The following MCC variants were observed in gnomAD, a reference collection of about 807,000 sequenced individuals.
The protein encoded by MCC is colorectal mutant cancer protein.
In MCC, 90 loss-of-function variants were observed where a neutral mutation model predicts 116.2. The ratio of observed to expected loss-of-function variants is 0.77; its 90% CI spans 0.65 to 0.92. The LOEUF is 0.92. Ranked by LOEUF, MCC falls within the 40% of genes least tolerant of loss-of-function variation. The pLI is 0.00. For missense variants in MCC, 1,516 were observed against 1,312.2 expected (o/e 1.16, Z -2.40); for synonymous variants, 578 against 510.5 (o/e 1.13, Z -1.78).
chr5:113,287,837 T>C lies in MCC; in HGVS notation c.627+52682A>G, dbSNP rs571796728. On this transcript the variant is annotated intron_variant, in intron 3 of 18. Transcript: ENST00000408903. ...ACACTCAGGGTTCTGGCATCTCCAA[T>C]TGGTAGCAACTACCTCTAAGGTGCT... Among the ~76,000 whole-genome samples the C allele has an allele frequency of 9.8e-5, 15 of 152,334 alleles. 2 individuals are homozygous for C. In the South Asian group the frequency reaches 2.9e-3, roughly 29 times the overall value.
intron 2 of MCC, among the ~76,000 whole-genome samples, chr5:113,372,623 T>C (rs1233389515): frequency 6.6e-6 from 1 of 152,204 alleles, no homozygotes; most frequent in Non-Finnish European, 1.5e-5. Flanking sequence ...ACATCATAAG[T>C]ACAGAATTTC....
At chr5:113,059,157 A>AAT (rs1168189018) in intron 14 of MCC, among the ~76,000 whole-genome samples, 4 of 151,972 alleles carry the variant, frequency 2.6e-5, no homozygotes, top group Non-Finnish European at 5.9e-5. Context: ...AAAAAAAAAA[A>AAT]TAACAAAAGA....
At chr5:113,309,824 C>T (rs932166663) in intron 3 of MCC, among the ~76,000 whole-genome samples, 2 of 151,574 alleles carry the variant, frequency 1.3e-5, no homozygotes, top group African/African-American at 4.9e-5. Context: ...TCTTTCTTTC[C>T]TTTCACCTTC....
chr5:113,050,456 AG>A (rs1394418819), intron 15 of MCC, among the ~76,000 whole-genome samples: 1 of 152,116 alleles, frequency 6.6e-6, no homozygotes, highest in Non-Finnish European at 1.5e-5. Context: ...AAGTTGGACT[AG>A]GGGGTAGATG....
intron 1 of MCC, among the ~76,000 whole-genome samples, chr5:113,401,872 C>G (rs187060059): frequency 3.3e-5 from 5 of 151,564 alleles, no homozygotes; most frequent in Non-Finnish European, 5.9e-5. Flanking sequence ...TTTTTTGAGA[C>G]AGGGTCTTCC....
At chr5:113,172,186 A>G (rs1761105844) in intron 3 of MCC, among the ~76,000 whole-genome samples, 1 of 152,214 alleles carries the variant, frequency 6.6e-6, no homozygotes, top group Non-Finnish European at 1.5e-5. Context: ...CTGACTTAAT[A>G]TTGATCAAGT....
chr5:113,141,880 C>G (rs1759199808), intron 5 of MCC, among the ~76,000 whole-genome samples: 1 of 152,152 alleles, frequency 6.6e-6, no homozygotes, highest in Non-Finnish European at 1.5e-5. Context: ...TTTGCTTTCA[C>G]TTTCTCAAGT....
rs59131569 is a variant in MCC at position 113,201,031 on chromosome 5, C to T, written c.628-49609G>A. On this transcript the variant is annotated intron_variant, in intron 3 of 18. Transcript: ENST00000408903. ...ACAGTTAAATTCTTATATGGAACCC[C>T]TTACACAGGGGGAAAAAGCCTCGGA... is the stretch of plus-strand genomic sequence containing the variant. 8.3e-3 allele frequency among the ~76,000 whole-genome samples: 1,269 copies of T among 152,244 alleles called. 23 individuals carry two copies. The highest frequency in any genetic ancestry group is 0.029 in the African/African-American group (1,194 of 41,524).
intron 11 of MCC, among the ~76,000 whole-genome samples, chr5:113,077,208 G>A (rs1373596394): frequency 6.6e-6 from 1 of 152,076 alleles, no homozygotes; most frequent in Non-Finnish European, 1.5e-5. Context: ...AATAATAATG[G>A]AGACTTTAAC....
At chr5:113,100,083 G>A (rs1366076521) in intron 8 of MCC, among the ~76,000 whole-genome samples, 1 of 152,180 alleles carries the variant, frequency 6.6e-6, no homozygotes, top group Non-Finnish European at 1.5e-5. Context: ...TATGGAGACT[G>A]TCATCCGATA....
chr5:113,035,318 T>C (rs1039178001), intron 17 of MCC, among the ~76,000 whole-genome samples: 11 of 152,294 alleles, frequency 7.2e-5, no homozygotes, highest in African/African-American at 2.4e-4. Flanking sequence ...CATCCTGCCA[T>C]TGTCACCACA....
At chr5:113,408,329 T>C (rs1376510710) in intron 1 of MCC, among the ~76,000 whole-genome samples, 3 of 152,158 alleles carry the variant, frequency 2.0e-5, no homozygotes, top group South Asian at 2.1e-4. Flanking sequence ...CTAATTTCCA[T>C]GTTTGTTCTA....
At chr5:113,229,203 G>A (rs1418214169) in intron 3 of MCC, among the ~76,000 whole-genome samples, 1 of 152,166 alleles carries the variant, frequency 6.6e-6, no homozygotes, top group African/African-American at 2.4e-5. Context: ...CAGAGACGAA[G>A]AAGGGATAGC....
chr5:113,106,119 C>T (rs1291221204), intron 6 of MCC, among the ~76,000 whole-genome samples: 2 of 150,900 alleles, frequency 1.3e-5, no homozygotes, highest in African/African-American at 2.4e-5. Flanking sequence ...GTTCACTATG[C>T]CCCATTCACA....
chr5:113,206,140 T>A (rs1461377438), intron 3 of MCC, among the ~76,000 whole-genome samples: 1 of 152,140 alleles, frequency 6.6e-6, no homozygotes, highest in Admixed American at 6.5e-5. Context: ...TCCCAACACC[T>A]CATTTTACAT....
chr5:113,337,325 C>T (rs1767893877), intron 3 of MCC, among the ~76,000 whole-genome samples: 1 of 152,184 alleles, frequency 6.6e-6, no homozygotes, highest in South Asian at 2.1e-4. Flanking sequence ...TTGCAGATGC[C>T]CCAATGGGTG....
At chr5:113,286,358 T>C (rs545919347) in intron 3 of MCC, among the ~76,000 whole-genome samples, 19 of 152,350 alleles carry the variant, frequency 1.2e-4, no homozygotes, top group African/African-American at 4.3e-4. Flanking sequence ...TGCAAGGCCA[T>C]CTTTTCCCTA....
intron 15 of MCC, among the ~76,000 whole-genome samples, chr5:113,051,715 C>T (rs1446903358): frequency 1.4e-5 from 2 of 145,474 alleles, no homozygotes; most frequent in Non-Finnish European, 3.1e-5. Context: ...CACAGTGAGA[C>T]CCTGTTTCAA....
chr5:113,367,480 T>A (rs942376032), intron 2 of MCC, among the ~76,000 whole-genome samples: 2 of 152,110 alleles, frequency 1.3e-5, no homozygotes, highest in Non-Finnish European at 2.9e-5. Context: ...ATGTTTCACT[T>A]CTCATCTGTT....
Sources: gnomAD v4.1 joint callset for allele counts (sites outside exome capture counted in the v4.1 genomes callset) on GRCh38, gnomAD v4.1.1 for gene constraint, MANE v1.5 for transcripts, NCBI Gene and HGNC (gene_info 2026-07-23, HGNC 2026-07-21) for gene names.